Variants in DNM3 observed in about 807,000 individuals in gnomAD.
DNM3 encodes the protein dynamin-3.
A neutral mutation model predicts 101.6 loss-of-function variants in DNM3; 47 were observed. That is an observed-to-expected ratio of 0.46 (90% CI 0.37 to 0.59). DNM3 has a LOEUF of 0.59. Among genes scored for constraint, DNM3 ranks in the 20% least tolerant of loss-of-function variants. DNM3 has a pLI of 0.00. For synonymous variants in DNM3, 385 were observed against 387.9 expected (o/e 0.99, Z 0.09); for missense variants, 849 against 1,085.7 (o/e 0.78, Z 3.06).
chr1:172,158,216 G>C (rs1208094056), intron 14 of DNM3, among the ~76,000 whole-genome samples: 1 of 152,002 alleles, frequency 6.6e-6, no homozygotes, highest in Non-Finnish European at 1.5e-5. Context: ...GCAAGAGTGT[G>C]CCTGGAGGCC....
At chr1:171,944,709 T>A (rs1346433717) in intron 2 of DNM3, among the ~76,000 whole-genome samples, 1 of 152,018 alleles carries the variant, frequency 6.6e-6, no homozygotes, top group Non-Finnish European at 1.5e-5. Context: ...AAATTTTTGT[T>A]AATTTTCAGA....
rs549826609 is a variant in DNM3 at position 171,945,858 on chromosome 1, A to G, written c.235+24037A>G. On this transcript the variant is annotated intron_variant, in intron 2 of 20. Coordinates refer to ENST00000627582, the MANE Select transcript of DNM3 (RefSeq NM_015569.5). Reference sequence around the variant, plus strand: ...AGATTCTAAGGATTAGCAGTGATACATATGGAAAGTGGGAGAGAATGTTCT... The same window carrying G: ...AGATTCTAAGGATTAGCAGTGATACGTATGGAAAGTGGGAGAGAATGTTCT... Among the ~76,000 whole-genome samples the G allele has an allele frequency of 5.1e-4, 78 of 152,302 alleles. 1 individual carries two copies. In the South Asian group the frequency reaches 0.015, roughly 30 times the overall value.
chr1:172,181,375 T>TACACACACAC lies in DNM3; in HGVS notation c.1659+50117_1659+50126dup, dbSNP rs55756017. Among the ~76,000 whole-genome samples, 1,277 of 147,686 alleles carry TACACACACAC rather than the reference T, an allele frequency of 8.6e-3. 8 individuals are homozygous for TACACACACAC. The highest frequency in any genetic ancestry group is 0.024 in the Middle Eastern group (7 of 290). ...TCTTATGCTTTAAAACACTTGAGTT[T>TACACACACAC]ACACACACACACACACACACACACA... On this transcript the variant is annotated intron_variant, in intron 14 of 20. Coordinates refer to ENST00000627582, the MANE Select transcript of DNM3 (RefSeq NM_015569.5).
intron 4 of DNM3, among the ~76,000 whole-genome samples, chr1:171,996,773 A>G (rs2046024133): frequency 6.6e-6 from 1 of 152,114 alleles, no homozygotes; most frequent in Non-Finnish European, 1.5e-5. Context: ...TCACACCTAT[A>G]ATTCTAACAC....
At chr1:172,333,366 A>G (rs2066273748) in intron 17 of DNM3, among the ~76,000 whole-genome samples, 2 of 152,216 alleles carry the variant, frequency 1.3e-5, no homozygotes, top group Non-Finnish European at 2.9e-5. Flanking sequence ...CCAGGTGAGC[A>G]TATGCCTAGA....
intron 1 of DNM3, among the ~76,000 whole-genome samples, chr1:171,919,041 AT>A (rs2039946940): frequency 6.6e-6 from 1 of 152,136 alleles, no homozygotes; most frequent in African/African-American, 2.4e-5. Flanking sequence ...AAATGGCATT[AT>A]TCAGGCCATT....
intron 1 of DNM3, among the ~76,000 whole-genome samples, chr1:171,908,714 A>G (rs1173369765): frequency 1.3e-5 from 2 of 152,200 alleles, no homozygotes; most frequent in Non-Finnish European, 2.9e-5. Context: ...GTTTATTAGT[A>G]TCTTAATTTC....
At chr1:172,074,260 C>T (rs962059386) in intron 11 of DNM3, among the ~76,000 whole-genome samples, 4 of 151,976 alleles carry the variant, frequency 2.6e-5, no homozygotes, top group African/African-American at 9.7e-5. Context: ...ATAGAATGGG[C>T]AGGAAAATCC....
At chr1:171,974,030 T>A (rs2044204471) in intron 2 of DNM3, among the ~76,000 whole-genome samples, 1 of 152,118 alleles carries the variant, frequency 6.6e-6, no homozygotes, top group African/African-American at 2.4e-5. Context: ...TTCAGAATAC[T>A]GTAGGCATGG....
intron 14 of DNM3, chr1:172,140,127 A>C (rs1162739284): frequency 2.0e-5 from 3 of 152,044 alleles, no homozygotes; most frequent in Admixed American, 6.6e-5. Flanking sequence ...GCAAATAGAA[A>C]CTTAATGGAA....
chr1:172,082,152 C>T (rs2053200021), intron 12 of DNM3, among the ~76,000 whole-genome samples: 1 of 152,202 alleles, frequency 6.6e-6, no homozygotes, highest in African/African-American at 2.4e-5. Flanking sequence ...CTTATCATCT[C>T]ATCATTTTTG....
At chr1:171,847,352 G>A (rs966186490) in intron 1 of DNM3, among the ~76,000 whole-genome samples, 3 of 152,298 alleles carry the variant, frequency 2.0e-5, no homozygotes, top group East Asian at 3.9e-4. Context: ...TGCATTTCCA[G>A]TGTCATCTGG....
intron 1 of DNM3, among the ~76,000 whole-genome samples, chr1:171,858,815 C>T (rs1427296932): frequency 6.6e-6 from 1 of 152,136 alleles, no homozygotes; most frequent in East Asian, 1.9e-4. Context: ...CCAAGGTCAC[C>T]AACGATCTCC....
rs562313985 is a variant in DNM3, at chr1:172,076,368, G to A, written c.1423-5464G>A. Among the ~76,000 whole-genome samples, 9 of 152,310 alleles carry A rather than the reference G, an allele frequency of 5.9e-5. No homozygotes were observed. In the South Asian group the frequency reaches 8.3e-4, roughly 14 times the overall value. ...CAATACTATGTTGAACAGGAATGGCGAGAGAGGGAATCCTTGTCTTGTGCC... is the reference window on the plus strand; with the variant it reads ...CAATACTATGTTGAACAGGAATGGCAAGAGAGGGAATCCTTGTCTTGTGCC... On this transcript the variant is annotated intron_variant, in intron 11 of 20. Coordinates refer to ENST00000627582, the MANE Select transcript of DNM3 (RefSeq NM_015569.5).
At chr1:172,127,929 A>G (rs938737271) in intron 13 of DNM3, among the ~76,000 whole-genome samples, 2 of 152,052 alleles carry the variant, frequency 1.3e-5, no homozygotes, top group African/African-American at 4.8e-5. Context: ...TTTCGACCCA[A>G]AGAACTCTGA....
intron 13 of DNM3, among the ~76,000 whole-genome samples, chr1:172,130,477 C>G (rs2056877066): frequency 6.6e-6 from 1 of 151,972 alleles, no homozygotes; most frequent in Non-Finnish European, 1.5e-5. Context: ...TATTTTAAAA[C>G]TTAAAACCTG....
intron 14 of DNM3, among the ~76,000 whole-genome samples, chr1:172,215,832 G>A (rs1360820836): frequency 6.6e-6 from 1 of 151,712 alleles, no homozygotes; most frequent in Non-Finnish European, 1.5e-5. Flanking sequence ...GAATCTTTAG[G>A]CCATGAGGCT....
intron 14 of DNM3, among the ~76,000 whole-genome samples, chr1:172,199,289 C>T (rs2060065492): frequency 6.6e-6 from 1 of 151,890 alleles, no homozygotes; most frequent in Non-Finnish European, 1.5e-5. Flanking sequence ...AGTATTATTT[C>T]AGTTCTTTTT....
intron 15 of DNM3, chr1:172,289,774 A>G: frequency 1.0e-6 from 1 of 985,200 alleles, no homozygotes; most frequent in Non-Finnish European, 1.2e-6. Flanking sequence ...AACAGTGTGT[A>G]ATTATACTTT....
Sources: gnomAD v4.1 joint callset for allele counts (sites outside exome capture counted in the v4.1 genomes callset) on GRCh38, gnomAD v4.1.1 for gene constraint, MANE v1.5 for transcripts, NCBI Gene and HGNC (gene_info 2026-07-23, HGNC 2026-07-21) for gene names.